The following CLDN10 variants were observed in gnomAD, a reference collection of about 807,000 sequenced individuals.
CLDN10 encodes the protein claudin 10, also known as claudin-10.
A neutral mutation model predicts 22.9 loss-of-function variants in CLDN10; 15 were observed. The observed-to-expected ratio is 0.65, with a 90% CI of 0.44 to 1.01. The LOEUF is 1.01. Among genes scored for constraint, CLDN10 ranks in the 50% least tolerant of loss-of-function variants. The probability of loss-of-function intolerance (pLI) is 0.00; values close to 1 mark genes in which losing one functional copy is unlikely to be tolerated. For synonymous variants in CLDN10, 114 were observed against 111.4 expected (o/e 1.02, Z -0.15); for missense variants, 247 against 287.8 (o/e 0.86, Z 1.03).
chr13:95,435,560 T>C (rs2042260412), intron 1 of CLDN10, among the ~76,000 whole-genome samples: 1 of 152,208 alleles, frequency 6.6e-6, no homozygotes, highest in Admixed American at 6.5e-5. Context: ...ATTTGAGGAC[T>C]CCATGCTATG....
chr13:95,474,392 C>T (rs953455016), intron 1 of CLDN10, among the ~76,000 whole-genome samples: 2 of 152,204 alleles, frequency 1.3e-5, no homozygotes, highest in Non-Finnish European at 2.9e-5. Context: ...GCTTCACTCA[C>T]CTGCCTGCCA....
At chr13:95,509,834 C>T (rs2043077466) in intron 1 of CLDN10, among the ~76,000 whole-genome samples, 1 of 152,176 alleles carries the variant, frequency 6.6e-6, no homozygotes, top group African/African-American at 2.4e-5. Flanking sequence ...TTCTGCCCCA[C>T]TCCCAGAGAT....
chr13:95,495,938 C>G (rs1262161128), intron 1 of CLDN10, among the ~76,000 whole-genome samples: 2 of 152,126 alleles, frequency 1.3e-5, no homozygotes, highest in Non-Finnish European at 2.9e-5. Flanking sequence ...TCTTTCTGTT[C>G]TTAAAATCAG....
chr13:95,480,514 G>A (rs2042735051), intron 1 of CLDN10, among the ~76,000 whole-genome samples: 2 of 152,300 alleles, frequency 1.3e-5, no homozygotes, highest in South Asian at 4.1e-4. Context: ...CCCTGAGCTG[G>A]CTGGTTCCTT....
At chr13:95,528,071 G>C (rs1345334589) in intron 1 of CLDN10, among the ~76,000 whole-genome samples, 1 of 152,024 alleles carries the variant, frequency 6.6e-6, no homozygotes, top group African/African-American at 2.4e-5. Context: ...TCCTTTCCCT[G>C]TGTGACTGGC....
At chr13:95,562,337 C>T (rs2043725438) in intron 3 of CLDN10, among the ~76,000 whole-genome samples, 1 of 149,824 alleles carries the variant, frequency 6.7e-6, no homozygotes, top group African/African-American at 2.5e-5. Flanking sequence ...CCTCCCAAAG[C>T]ACTGGGATTA....
chr13:95,527,772 AT>A (rs1264087001), intron 1 of CLDN10, among the ~76,000 whole-genome samples: 1 of 152,130 alleles, frequency 6.6e-6, no homozygotes, highest in East Asian at 1.9e-4. Flanking sequence ...AATAAACAAA[AT>A]TAAAAAACTC....
At chr13:95,467,524 T>A (rs1190390962) in intron 1 of CLDN10, among the ~76,000 whole-genome samples, 2 of 132,576 alleles carry the variant, frequency 1.5e-5, no homozygotes, top group Non-Finnish European at 3.5e-5. Flanking sequence ...CTCTATTGTT[T>A]TTTTTGGGGG....
intron 1 of CLDN10, among the ~76,000 whole-genome samples, chr13:95,534,201 C>T (rs953005524): frequency 6.6e-6 from 1 of 152,102 alleles, no homozygotes; most frequent in African/African-American, 2.4e-5. Flanking sequence ...GCAGCATCTG[C>T]TATGTAGAAG....
intron 1 of CLDN10, among the ~76,000 whole-genome samples, chr13:95,457,994 A>G (rs2042498666): frequency 6.6e-6 from 1 of 152,136 alleles, no homozygotes; most frequent in Admixed American, 6.5e-5. Context: ...GACTTTGCTG[A>G]TCTCAACTGG....
intron 1 of CLDN10, among the ~76,000 whole-genome samples, chr13:95,440,270 C>G (rs934968823): frequency 6.6e-6 from 1 of 152,196 alleles, no homozygotes; most frequent in African/African-American, 2.4e-5. Flanking sequence ...TTTCCATTCT[C>G]TAAGATCCTG....
At chr13:95,501,123 C>T (rs1036157497) in intron 1 of CLDN10, among the ~76,000 whole-genome samples, 11 of 151,942 alleles carry the variant, frequency 7.2e-5, no homozygotes, top group Non-Finnish European at 1.5e-4. Context: ...AAGCGATTCT[C>T]CTGCCTCGGC....
At chr13:95,487,217 T>C (rs562638026) in intron 1 of CLDN10, among the ~76,000 whole-genome samples, 1 of 152,376 alleles carries the variant, frequency 6.6e-6, no homozygotes, top group Admixed American at 6.5e-5. Context: ...TGCTCAGAAC[T>C]GAAGTTTCCC....
At chr13:95,556,345 C>T (rs1356548542) in intron 1 of CLDN10, among the ~76,000 whole-genome samples, 1 of 152,160 alleles carries the variant, frequency 6.6e-6, no homozygotes, top group African/African-American at 2.4e-5. Flanking sequence ...GCGCCCAGCC[C>T]TAAATTTCTT....
At chr13:95,444,449 C>T (rs2042353158) in intron 1 of CLDN10, among the ~76,000 whole-genome samples, 1 of 152,202 alleles carries the variant, frequency 6.6e-6, no homozygotes, top group African/African-American at 2.4e-5. Flanking sequence ...AATATAGGCT[C>T]TGAGGACTCA....
At chr13:95,472,411 G>A (rs1396767776) in intron 1 of CLDN10, among the ~76,000 whole-genome samples, 2 of 152,226 alleles carry the variant, frequency 1.3e-5, no homozygotes, top group Admixed American at 1.3e-4. Flanking sequence ...GCCAGACACA[G>A]TGGCTCACAT....
intron 1 of CLDN10, among the ~76,000 whole-genome samples, chr13:95,501,394 G>A (rs941179180): frequency 2.0e-5 from 3 of 152,158 alleles, no homozygotes; most frequent in African/African-American, 7.2e-5. Context: ...GCTCACTGCA[G>A]CTTTGACCTC....
At chr13:95,537,014 G>T (rs546630312) in intron 1 of CLDN10, among the ~76,000 whole-genome samples, 1 of 152,310 alleles carries the variant, frequency 6.6e-6, no homozygotes, top group East Asian at 1.9e-4. Context: ...AGAGCCTTTT[G>T]CTTCTTTAGA....
At chr13:95,486,187 A>C (rs1164232537) in intron 1 of CLDN10, among the ~76,000 whole-genome samples, 1 of 152,124 alleles carries the variant, frequency 6.6e-6, no homozygotes, top group African/African-American at 2.4e-5. Context: ...TGATGAATAA[A>C]GTTGCTTTGC....
Sources: allele counts gnomAD v4.1 joint callset (sites outside exome capture counted in the v4.1 genomes callset), GRCh38; gene constraint gnomAD v4.1.1; transcripts MANE v1.5; gene names NCBI Gene and HGNC (gene_info 2026-07-23, HGNC 2026-07-21).